AQP9: variants seen among roughly 807,000 people sequenced by gnomAD.
AQP9 encodes the protein aquaporin-9.
In AQP9, 19 loss-of-function variants were observed where a neutral mutation model predicts 23.8. The observed-to-expected ratio is 0.80, with a 90% CI of 0.56 to 1.17. The LOEUF is 1.17. Ranked by LOEUF, AQP9 falls within the 50% of genes most tolerant of loss-of-function variation. The pLI is 0.00. For missense variants in AQP9, 413 were observed against 362.0 expected (o/e 1.14, Z -1.14); for synonymous variants, 153 against 131.5 (o/e 1.16, Z -1.12).
At chr15:58,181,271 G>A (rs919029325) in intron 5 of AQP9, among the ~76,000 whole-genome samples, 1 of 152,162 alleles carries the variant, frequency 6.6e-6, no homozygotes, top group Non-Finnish European at 1.5e-5. Flanking sequence ...GCAGCTACTT[G>A]ATATCTTACT....
chr15:58,151,607 CT>C (rs1316574210), intron 1 of AQP9: 3 of 152,026 alleles, frequency 2.0e-5, no homozygotes, highest in Admixed American at 2.0e-4. Context: ...TAATAGTTCT[CT>C]TCCCCTACTT....
chr15:58,180,235 C>T (rs1242011016), intron 5 of AQP9, among the ~76,000 whole-genome samples: 2 of 152,148 alleles, frequency 1.3e-5, no homozygotes, highest in African/African-American at 4.8e-5. Context: ...AGGGCTCTAC[C>T]ATGGAGAAAA....
At chr15:58,164,649 C>A (rs1898460053) in intron 1 of AQP9, among the ~76,000 whole-genome samples, 1 of 152,052 alleles carries the variant, frequency 6.6e-6, no homozygotes, top group African/African-American at 2.4e-5. Context: ...ATTTAACATT[C>A]AGCGTAGGGT....
rs183349109 is a variant in AQP9, at chr15:58,168,119, T to A, written c.238+1320T>A. 2.0e-4 allele frequency among the ~76,000 whole-genome samples: 31 copies of A among 152,018 alleles called. No homozygotes were observed. In the East Asian group the frequency reaches 6.0e-3, roughly 30 times the overall value. On this transcript the variant is annotated intron_variant, in intron 2 of 5. Transcript: ENST00000219919. ...TCACTGCAGCCTTGACTTCCCAGGC[T>A]CAAACAATTCTACCTTCTGCCACCT... is the stretch of plus-strand genomic sequence containing the variant.
At chr15:58,156,324 AT>A (rs1898258728) in intron 1 of AQP9, among the ~76,000 whole-genome samples, 1 of 152,196 alleles carries the variant, frequency 6.6e-6, no homozygotes, top group South Asian at 2.1e-4. Context: ...TTGCACTATA[AT>A]TGTTTAATCA....
chr15:58,168,041 A>G (rs1595739624), intron 2 of AQP9, among the ~76,000 whole-genome samples: 1 of 150,956 alleles, frequency 6.6e-6, no homozygotes, highest in East Asian at 2.0e-4. Flanking sequence ...TTGTTTTTTA[A>G]GACAGAGTCT....
rs188351485 is a variant in AQP9, at chr15:58,164,608, G to C, written c.112-2065G>C. ...TGGACTCAGGGGATTTTTTTGAAAA[G>C]AGAAAGGGGACATGTTCCTGCTGTA... On this transcript the variant is annotated intron_variant, in intron 1 of 5. Coordinates refer to ENST00000219919, the MANE Select transcript of AQP9 (RefSeq NM_020980.5). 1.2e-3 allele frequency among the ~76,000 whole-genome samples: 176 copies of C among 152,220 alleles called. 2 individuals are homozygous for C. The highest frequency in any genetic ancestry group is 2.1e-3 in the Non-Finnish European group (143 of 67,988).
chr15:58,142,762 TTC>T (rs1897973360), intron 1 of AQP9, among the ~76,000 whole-genome samples: 1 of 152,188 alleles, frequency 6.6e-6, no homozygotes, highest in Non-Finnish European at 1.5e-5. Flanking sequence ...CACCTATTCT[TTC>T]TCTGTTTCCT....
intron 5 of AQP9, 126 bp downstream of exon 5, chr15:58,179,471 C>T (rs1357678333): frequency 3.9e-6 from 3 of 760,500 alleles, no homozygotes; most frequent in East Asian, 5.5e-5. Flanking sequence ...ACACTCTGGT[C>T]ATAAGCATGA....
intron 3 of AQP9, 130 bp from the exon 4 acceptor site, chr15:58,174,788 A>G (rs535658168): frequency 1.4e-6 from 1 of 738,728 alleles, no homozygotes; most frequent in Non-Finnish European, 2.4e-6. Context: ...CCTCGGAAGT[A>G]GAGAGAGACA....
intron 1 of AQP9, among the ~76,000 whole-genome samples, chr15:58,149,009 T>C (rs1898099993): frequency 1.3e-5 from 2 of 152,230 alleles, no homozygotes; most frequent in African/African-American, 4.8e-5. Context: ...CATATTTTAT[T>C]TTTAGCCAGA....
chr15:58,141,904 T>C (rs771885396), intron 1 of AQP9, among the ~76,000 whole-genome samples: 1 of 152,176 alleles, frequency 6.6e-6, no homozygotes, highest in East Asian at 1.9e-4. Context: ...ATCAGAAAGT[T>C]TATAAGCCAA....
chr15:58,140,210 T>G (rs1338039879), intron 1 of AQP9, among the ~76,000 whole-genome samples: 13 of 152,062 alleles, frequency 8.5e-5, no homozygotes, highest in African/African-American at 3.1e-4. Flanking sequence ...TTTTTTTTTT[T>G]TTTTGCAACC....
At chr15:58,140,724 G>A (rs1375283191) in intron 1 of AQP9, among the ~76,000 whole-genome samples, 1 of 152,196 alleles carries the variant, frequency 6.6e-6, no homozygotes, top group East Asian at 1.9e-4. Flanking sequence ...TCGAAAAGAT[G>A]GCAGAGGATA....
intron 1 of AQP9, among the ~76,000 whole-genome samples, chr15:58,142,773 C>T (rs577432145): frequency 6.6e-6 from 1 of 152,310 alleles, no homozygotes; most frequent in Admixed American, 6.5e-5. Flanking sequence ...TCTCTGTTTC[C>T]TCCATGCTTG....
intron 5 of AQP9, among the ~76,000 whole-genome samples, chr15:58,182,340 C>G (rs768046474): frequency 3.9e-5 from 6 of 152,158 alleles, no homozygotes; most frequent in Non-Finnish European, 8.8e-5. Flanking sequence ...CAAATGATCA[C>G]TATTTGTGTG....
At chr15:58,172,910 TAC>T (rs1318477949) in intron 2 of AQP9, among the ~76,000 whole-genome samples, 156 bp from the exon 3 acceptor site, 2 of 152,190 alleles carry the variant, frequency 1.3e-5, no homozygotes, top group Non-Finnish European at 2.9e-5. Flanking sequence ...CCTGCTCAGA[TAC>T]ACACTCTCTC....
intron 1 of AQP9, chr15:58,146,750 T>TC (rs1331139130): frequency 2.1e-4 from 32 of 152,298 alleles, no homozygotes; most frequent in African/African-American, 7.7e-4. Flanking sequence ...TCTGCTGGGT[T>TC]CCCCAGGTAT....
intron 1 of AQP9, among the ~76,000 whole-genome samples, chr15:58,164,901 T>C (rs1355407365): frequency 6.6e-6 from 1 of 152,190 alleles, no homozygotes; most frequent in Non-Finnish European, 1.5e-5. Flanking sequence ...GTGCAACCTT[T>C]CATATTTTAG....
Sources: gnomAD v4.1 joint callset for allele counts (sites outside exome capture counted in the v4.1 genomes callset) on GRCh38, gnomAD v4.1.1 for gene constraint, MANE v1.5 for transcripts, NCBI Gene and HGNC (gene_info 2026-07-23, HGNC 2026-07-21) for gene names.